SLC5A8: variants seen among roughly 807,000 people sequenced by gnomAD.
SLC5A8 encodes the protein sodium-coupled monocarboxylate transporter 1.
Under a neutral mutation model 71.9 loss-of-function variants are expected in SLC5A8, and 55 were observed. That is an observed-to-expected ratio of 0.77 (90% CI 0.62 to 0.96). The LOEUF (loss-of-function observed/expected upper bound fraction) is 0.96, where lower values mean the gene tolerates loss of function less well. SLC5A8 is among the 40% of genes least tolerant of loss of function. The pLI, the probability that SLC5A8 is intolerant of heterozygous loss-of-function variation, is 0.00. For synonymous variants in SLC5A8, 307 were observed against 276.1 expected (o/e 1.11, Z -1.11); for missense variants, 701 against 745.3 (o/e 0.94, Z 0.69).
intron 10 of SLC5A8, 39 bp downstream of exon 10, chr12:101,179,990 A>G: frequency 3.7e-6 from 6 of 1,606,010 alleles, no homozygotes; most frequent in Non-Finnish European, 5.1e-6. Context: ...AAAAAGATTT[A>G]GTGATTTATG....
chr12:101,195,008 A>G, intron 4 of SLC5A8, 87 bp downstream of exon 4: 1 of 1,328,114 alleles, frequency 7.5e-7, no homozygotes, highest in Non-Finnish European at 1.1e-6. Flanking sequence ...AGTGTGGACA[A>G]ACAAGATTGC....
chr12:101,183,213 T>A (rs1432038886), intron 8 of SLC5A8, among the ~76,000 whole-genome samples: 1 of 151,898 alleles, frequency 6.6e-6, no homozygotes, highest in African/African-American at 2.4e-5. Context: ...GCCTGGCTAA[T>A]TTTTTGTATT....
intron 12 of SLC5A8, 129 bp from the exon 13 acceptor site, chr12:101,162,206 G>T: frequency 1.6e-6 from 1 of 628,574 alleles, no homozygotes; most frequent in Non-Finnish European, 2.8e-6. Context: ...ATAACCTGCT[G>T]TCCTAATTTT....
intron 11 of SLC5A8, among the ~76,000 whole-genome samples, chr12:101,167,187 C>G (rs2137126442): frequency 6.6e-6 from 1 of 152,276 alleles, no homozygotes; most frequent in South Asian, 2.1e-4. Flanking sequence ...TTTCATCACG[C>G]AAAGAATCTA....
chr12:101,208,375 C>T (rs1869763497), intron 1 of SLC5A8, among the ~76,000 whole-genome samples: 1 of 152,138 alleles, frequency 6.6e-6, no homozygotes, highest in South Asian at 2.1e-4. Flanking sequence ...TAGGAAACCA[C>T]CTGCCAGAAT....
At chr12:101,201,947 A>G (rs555505773) in intron 3 of SLC5A8, among the ~76,000 whole-genome samples, 3 of 152,262 alleles carry the variant, frequency 2.0e-5, no homozygotes, top group African/African-American at 7.2e-5. Flanking sequence ...CCACCTGGAG[A>G]AGTCCACCTC....
At chr12:101,179,949 A>G in intron 10 of SLC5A8, 80 bp downstream of exon 10, 1 of 1,441,774 alleles carries the variant, frequency 6.9e-7, no homozygotes, top group Non-Finnish European at 9.8e-7. Flanking sequence ...ATATCGAGAG[A>G]AGTCTGGAAG....
chr12:101,196,386 A>T (rs986439018), intron 3 of SLC5A8, among the ~76,000 whole-genome samples: 1 of 152,220 alleles, frequency 6.6e-6, no homozygotes, highest in African/African-American at 2.4e-5. Context: ...TCAGCAGTAC[A>T]TATACTAAAA....
chr12:101,179,772 CAAGATGTTACCACTGA>C (rs2051914630), intron 10 of SLC5A8, among the ~76,000 whole-genome samples: 1 of 152,044 alleles, frequency 6.6e-6, no homozygotes, highest in Admixed American at 6.6e-5. Context: ...GTTACCACTG[CAAGATGTTACCACTGA>C]GGGAAACTGA....
Position 101,202,218 on chromosome 12 carries a change from AG to A in SLC5A8, c.418-4del, listed in dbSNP as rs1048904218. ...ATAACAATTCCAGTATACAGAATCT[AG>A]GGGGGAGAAAGAAAGCCAAATGAAT... On this transcript the variant is annotated splice_polypyrimidine_tract_variant and splice_region_variant and intron_variant, in intron 2 of 14. Coordinates refer to ENST00000536262, the MANE Select transcript of SLC5A8 (RefSeq NM_145913.5). The A allele has an allele frequency of 3.2e-6, 5 of 1,571,974 alleles. No homozygotes were observed. Among genetic ancestry groups the A allele is most frequent in the Non-Finnish European group, 2.6e-6 (3 of 1,163,252 alleles).
intron 12 of SLC5A8, among the ~76,000 whole-genome samples, chr12:101,165,729 G>A (rs903618973): frequency 6.6e-5 from 10 of 152,192 alleles, no homozygotes; most frequent in African/African-American, 2.2e-4. Flanking sequence ...GGGGTATGCC[G>A]TGTCTTGACC....
Position 101,182,799 on chromosome 12 carries a change from T to G in SLC5A8, c.1165+4A>C. 3 of 1,557,290 alleles carry G rather than the reference T, an allele frequency of 1.9e-6. No individual in the cohort carries two copies. Among genetic ancestry groups the G allele is most frequent in the Non-Finnish European group, 2.6e-6 (3 of 1,149,940 alleles). ...AAAATGGAATTATGAAAACAGAAAC[T>G]TACTCATTCCTTGGGAAATCCAAGA... On this transcript the variant is annotated splice_donor_region_variant and intron_variant, in intron 9 of 14. Coordinates refer to ENST00000536262, the MANE Select transcript of SLC5A8 (RefSeq NM_145913.5).
intron 10 of SLC5A8, among the ~76,000 whole-genome samples, chr12:101,175,006 C>G (rs983650645): frequency 6.6e-6 from 1 of 151,438 alleles, no homozygotes; most frequent in African/African-American, 2.4e-5. Flanking sequence ...TTTAAAACAG[C>G]CATGATTTAA....
intron 9 of SLC5A8, among the ~76,000 whole-genome samples, chr12:101,180,978 A>G (rs1247629315): frequency 6.6e-6 from 1 of 152,196 alleles, no homozygotes; most frequent in Non-Finnish European, 1.5e-5. Flanking sequence ...AAATTATAGG[A>G]AATATCATGC....
In SLC5A8 at chr12:101,195,059, G is replaced by A. The variant is rs1383139733; in HGVS notation, c.537+36C>T. 4 of 1,608,150 alleles carry A rather than the reference G, an allele frequency of 2.5e-6. No homozygotes were observed. The South Asian group carries it at 4.4e-5, about 18-fold the overall frequency. Reference sequence around the variant, plus strand: ...GAATTTTCAATTTTGCAAAGCAAGTGGGTAGAGTGAAAAGGGAAATATGTC... The same window carrying A: ...GAATTTTCAATTTTGCAAAGCAAGTAGGTAGAGTGAAAAGGGAAATATGTC... On this transcript the variant is annotated intron_variant, in intron 4 of 14. Transcript: ENST00000536262.
intron 10 of SLC5A8, among the ~76,000 whole-genome samples, chr12:101,176,092 T>C (rs1398353288): frequency 6.6e-6 from 1 of 152,062 alleles, no homozygotes. Flanking sequence ...AACTGTGTGC[T>C]GTCTACAAAA....
intron 10 of SLC5A8, among the ~76,000 whole-genome samples, chr12:101,169,250 GA>G (rs2051804432): frequency 3.3e-5 from 5 of 152,212 alleles, no homozygotes; most frequent in Admixed American, 6.5e-5. Flanking sequence ...ATTACAAGAG[GA>G]AATAAGACCT....
chr12:101,158,201 G>T, intron 14 of SLC5A8, 48 bp downstream of exon 14: 1 of 1,287,170 alleles, frequency 7.8e-7, no homozygotes, highest in Admixed American at 1.8e-5. Context: ...TTCTATCCAG[G>T]TAATAAAGCC....
Position 101,204,553 on chromosome 12 carries a change from G to A in SLC5A8, c.364C>T (p.Arg122Ter), listed in dbSNP as rs774392367. ...ITSTYEYLEL[R>*]FNKCVRLCGT... Reference sequence around the variant, plus strand: ...CAGAGACGAACACATTTGTTAAATCGAAGTTCTAAATACTGTTGCAAAAAA... The same window carrying A: ...CAGAGACGAACACATTTGTTAAATCAAAGTTCTAAATACTGTTGCAAAAAA... The change falls in exon 2 of 15, where the codon CGA becomes TGA. Residue 122 changes from arginine (R) to a stop codon, truncating the protein, a stop_gained. Transcript: ENST00000536262. LOFTEE classifies it high-confidence loss of function. 3.8e-6 allele frequency: 6 copies of A among 1,596,712 alleles called. No homozygotes were observed. In the South Asian group the frequency reaches 4.6e-5, roughly 12 times the overall value.
Sources: allele counts gnomAD v4.1 joint callset (sites outside exome capture counted in the v4.1 genomes callset), GRCh38; gene constraint gnomAD v4.1.1; transcripts MANE v1.5; gene names NCBI Gene and HGNC (gene_info 2026-07-23, HGNC 2026-07-21).